CFAP299: variants seen among roughly 807,000 people sequenced by gnomAD.
CFAP299 encodes the protein cilia- and flagella-associated protein 299.
In CFAP299, 21 loss-of-function variants were observed where a neutral mutation model predicts 27.0. The observed-to-expected ratio is 0.78, with a 90% CI of 0.55 to 1.12. The LOEUF (loss-of-function observed/expected upper bound fraction) is 1.12. Among genes scored for constraint, CFAP299 ranks in the 50% most tolerant of loss-of-function variants. The probability of loss-of-function intolerance (pLI) is 0.00; values close to 1 mark genes in which losing one functional copy is unlikely to be tolerated. For synonymous variants in CFAP299, 104 were observed against 98.1 expected (o/e 1.06, Z -0.36); for missense variants, 310 against 276.6 (o/e 1.12, Z -0.86).
chr4:80,431,295 A>G (rs1340882957), intron 2 of CFAP299, among the ~76,000 whole-genome samples: 2 of 152,010 alleles, frequency 1.3e-5, no homozygotes, highest in East Asian at 3.9e-4. Flanking sequence ...AATATTTGCA[A>G]GGCTTTTCTT....
chr4:80,585,781 C>T (rs1482214495), intron 3 of CFAP299, among the ~76,000 whole-genome samples: 1 of 152,000 alleles, frequency 6.6e-6, no homozygotes, highest in Non-Finnish European at 1.5e-5. Context: ...AACTGAGAGG[C>T]CATTGTAACA....
intron 2 of CFAP299, among the ~76,000 whole-genome samples, chr4:80,366,273 C>A (rs1262424049): frequency 6.6e-6 from 1 of 152,190 alleles, no homozygotes; most frequent in African/African-American, 2.4e-5. Context: ...TGCAGGTGAG[C>A]AACTCCAAGT....
chr4:80,737,536 T>TAATACATTTCTTCTAGATTTTCCA, intron 3 of CFAP299, among the ~76,000 whole-genome samples: 1 of 152,200 alleles, frequency 6.6e-6, no homozygotes, highest in South Asian at 2.1e-4. Flanking sequence ...TCTAGGAACT[T>TAATACATTTCTTCTAGATTTTCCA]AATACATTTC....
chr4:80,963,021 A>AG (rs990736440), intron 5 of CFAP299, among the ~76,000 whole-genome samples: 2 of 152,068 alleles, frequency 1.3e-5, no homozygotes, highest in African/African-American at 4.8e-5. Context: ...ATTTGAAGGA[A>AG]GAAAAAAAAA....
At chr4:80,799,791 T>C (rs568059166) in intron 3 of CFAP299, among the ~76,000 whole-genome samples, 1 of 34,430 alleles carries the variant, frequency 2.9e-5, no homozygotes, top group Non-Finnish European at 4.3e-5. Context: ...ATATTATATA[T>C]TATATTATAT....
At chr4:80,922,930 C>T (rs1368752091) in intron 4 of CFAP299, among the ~76,000 whole-genome samples, 5 of 150,922 alleles carry the variant, frequency 3.3e-5, no homozygotes, top group African/African-American at 2.4e-5. Context: ...ATAATATATA[C>T]ATTTTACATA....
chr4:80,869,715 T>A (rs924162440), intron 3 of CFAP299, among the ~76,000 whole-genome samples: 1 of 152,186 alleles, frequency 6.6e-6, no homozygotes, highest in Non-Finnish European at 1.5e-5. Flanking sequence ...GGTTTCACCA[T>A]GTTGGCCAGG....
intron 3 of CFAP299, among the ~76,000 whole-genome samples, chr4:80,757,965 C>A (rs1432389587): frequency 3.9e-5 from 6 of 152,208 alleles, no homozygotes; most frequent in South Asian, 2.1e-4. Context: ...ACCTTTGGAA[C>A]CTGGCAGGAG....
At position 80,900,123 on chromosome 4, in the gene CFAP299, A is replaced by AGTGTGTGTGTGTGTGTGT. The variant is rs3038537; in HGVS notation, c.476+30009_476+30026dup. ...AATAAATGACATAAAAGTGGAAGAA[A>AGTGTGTGTGTGTGTGTGT]GTGTGTGTGTGTGTGTGTGTGTGTG... On this transcript the variant is annotated intron_variant, in intron 4 of 5. Coordinates refer to ENST00000358105, the MANE Select transcript of CFAP299 (RefSeq NM_152770.3). 9.6e-3 allele frequency among the ~76,000 whole-genome samples: 1,345 copies of AGTGTGTGTGTGTGTGTGT among 139,862 alleles called. 15 individuals carry two copies. Among genetic ancestry groups the AGTGTGTGTGTGTGTGTGT allele is most frequent in the Middle Eastern group, 0.03 (8 of 268 alleles). The allele number at this position is 139,862 out of a possible 152,430, so 91.8% of individuals were successfully genotyped here. A position where few individuals can be genotyped will look rare whatever the true frequency, so the allele number is the denominator to read the frequency against.
intron 4 of CFAP299, among the ~76,000 whole-genome samples, chr4:80,894,589 G>A (rs1734517771): frequency 6.6e-6 from 1 of 151,760 alleles, no homozygotes. Flanking sequence ...AATATTGGTG[G>A]GAATATGAAT....
intron 2 of CFAP299, among the ~76,000 whole-genome samples, chr4:80,518,964 G>A (rs990143809): frequency 6.6e-6 from 1 of 152,128 alleles, no homozygotes; most frequent in Non-Finnish European, 1.5e-5. Context: ...ATGCTGGAAA[G>A]TTAAGTGTGA....
chr4:80,595,657 T>C (rs1340649278), intron 3 of CFAP299, among the ~76,000 whole-genome samples: 1 of 152,230 alleles, frequency 6.6e-6, no homozygotes. Flanking sequence ...CTGGAATGAA[T>C]GTACAGTTTA....
At chr4:80,645,830 G>A (rs1739979486) in intron 3 of CFAP299, among the ~76,000 whole-genome samples, 1 of 152,060 alleles carries the variant, frequency 6.6e-6, no homozygotes, top group South Asian at 2.1e-4. Context: ...TGACTTATAA[G>A]GTCAAGGGCT....
the CFAP299 span, among the ~76,000 whole-genome samples, chr4:80,324,142 C>T: frequency 2.0e-5 from 3 of 152,300 alleles, no homozygotes; most frequent in East Asian, 5.8e-4. Context: ...CCCTTGCCCC[C>T]AACCCCTCGA....
chr4:80,781,499 A>T (rs1578117759), intron 3 of CFAP299, among the ~76,000 whole-genome samples: 1 of 152,104 alleles, frequency 6.6e-6, no homozygotes, highest in South Asian at 2.1e-4. Context: ...AGCAGAAGGG[A>T]TAGCCAACAA....
chr4:80,928,596 T>C (rs1291695539), intron 4 of CFAP299, among the ~76,000 whole-genome samples: 1 of 152,096 alleles, frequency 6.6e-6, no homozygotes, highest in Non-Finnish European at 1.5e-5. Flanking sequence ...GATATTTTCA[T>C]AGTCGTAAAA....
At chr4:80,790,546 T>A (rs955160182) in intron 3 of CFAP299, 1 of 151,976 alleles carries the variant, frequency 6.6e-6, no homozygotes, top group Non-Finnish European at 1.5e-5. Context: ...AGTGCCTTTA[T>A]AAGAAGAGCC....
At chr4:80,348,247 C>A (rs373383918) in intron 1 of CFAP299, among the ~76,000 whole-genome samples, 182 of 152,270 alleles carry the variant, frequency 1.2e-3, no homozygotes, top group African/African-American at 4.1e-3. Context: ...GCAAAGATTT[C>A]ATGATGAAAA....
chr4:80,552,133 T>C (rs896550156), intron 2 of CFAP299, among the ~76,000 whole-genome samples: 1 of 152,208 alleles, frequency 6.6e-6, no homozygotes, highest in Non-Finnish European at 1.5e-5. Context: ...TAAATACAAA[T>C]GGTCAAAGAA....
Sources: allele counts gnomAD v4.1 joint callset (sites outside exome capture counted in the v4.1 genomes callset), GRCh38; gene constraint gnomAD v4.1.1; transcripts MANE v1.5; gene names NCBI Gene and HGNC (gene_info 2026-07-23, HGNC 2026-07-21).